Variants in ITPR3 observed in about 807,000 individuals in gnomAD.
The protein encoded by ITPR3 is inositol 1,4,5-trisphosphate receptor type 3.
ITPR3 carries 173 observed loss-of-function variants against 293.2 expected under a neutral mutation model. The observed-to-expected ratio is 0.59, with a 90% CI of 0.52 to 0.67. The LOEUF is 0.67. ITPR3 is among the 30% of genes least tolerant of loss of function. The pLI is 0.00. For missense variants in ITPR3, 2,796 were observed against 3,592.1 expected, an observed-to-expected ratio of 0.78 and a Z score of 5.66; for synonymous variants, 1,295 against 1,444.4, an observed-to-expected ratio of 0.90 and a Z score of 2.35.
intron 13 of ITPR3, 62 bp downstream of exon 13, chr6:33,665,275 T>G (rs1297868450): frequency 1.3e-6 from 2 of 1,567,620 alleles, no homozygotes; most frequent in Admixed American, 1.8e-5. Context: ...CTGCATTTCA[T>G]GAAGAAAGGA....
intron 57 of ITPR3, 37 bp from the exon 58 acceptor site, chr6:33,695,674 CG>C: frequency 6.3e-7 from 1 of 1,597,182 alleles, no homozygotes; most frequent in Non-Finnish European, 8.6e-7. Flanking sequence ...AGGTGCCAGG[CG>C]GCCTGACCAG....
Position 33,668,983 on chromosome 6 carries a change from C to T in ITPR3, c.2016C>T (p.Pro672=), listed in dbSNP as rs150364600. Reference sequence around the variant, plus strand: ...TGCTGGTGGTCTGCAGGCTTCGGCCCGTGAAGGAGATGGCCCAATCCCACG... The same window carrying T: ...TGCTGGTGGTCTGCAGGCTTCGGCCTGTGAAGGAGATGGCCCAATCCCACG... ...SDILIRTELR[P]VKEMAQSHEY... The change falls in exon 18 of 58, where the codon CCC becomes CCT. Residue 672 remains proline (P), a synonymous_variant. Coordinates refer to ENST00000605930, the MANE Select transcript of ITPR3 (RefSeq NM_002224.4). 33 of 1,613,468 alleles carry T rather than the reference C, an allele frequency of 2.0e-5. No homozygotes were observed. The highest frequency in any genetic ancestry group is 2.5e-5 in the Non-Finnish European group (30 of 1,179,952).
chr6:33,654,426 C>T lies in ITPR3; in HGVS notation c.161-1340C>T, dbSNP rs193212794. 5.9e-5 allele frequency among the ~76,000 whole-genome samples: 9 copies of T among 152,276 alleles called. No individual in the cohort carries two copies. The highest frequency in any genetic ancestry group is 2.0e-4 in the Admixed American group (3 of 15,302). Reference sequence around the variant, plus strand: ...TCTGCTTGTGGAATTGCCATTTTTCCCTTTTCTTTCTAGGAAGTTCTGTCT... The same window carrying T: ...TCTGCTTGTGGAATTGCCATTTTTCTCTTTTCTTTCTAGGAAGTTCTGTCT... On this transcript the variant is annotated intron_variant, in intron 2 of 57. Transcript: ENST00000605930. This position sits in a 1 kb window ranked among gnomAD's most constrained non-coding sequence, Gnocchi z 4.1.
chr6:33,689,900 G>A (rs752641628), intron 50 of ITPR3, 134 bp from the exon 51 acceptor site: 23 of 973,730 alleles, frequency 2.4e-5, no homozygotes, highest in African/African-American at 3.2e-5. Context: ...AGTCCCAGGC[G>A]CCTAGATGCG....
chr6:33,668,483 C>T (rs780219002), intron 16 of ITPR3, 32 bp from the exon 17 acceptor site: 8 of 1,613,692 alleles, frequency 5.0e-6, no homozygotes, highest in Non-Finnish European at 6.8e-6. Flanking sequence ...CCTCTGAGAC[C>T]CTCTTCCCAC....
intron 18 of ITPR3, among the ~76,000 whole-genome samples, chr6:33,669,606 AATC>A (rs1165315375): frequency 1.3e-5 from 2 of 152,162 alleles, no homozygotes; most frequent in Non-Finnish European, 2.9e-5. Context: ...CAAAAAAACA[AATC>A]ATCATCATAA....
At chr6:33,690,812 ACTGT>A (rs1269891506) in intron 51 of ITPR3, 101 bp from the exon 52 acceptor site, 69 of 1,061,276 alleles carry the variant, frequency 6.5e-5, no homozygotes, top group Non-Finnish European at 9.2e-5. Flanking sequence ...GCCTTGGGAA[ACTGT>A]CTGGAGCCCA....
intron 13 of ITPR3, 30 bp from the exon 14 acceptor site, chr6:33,665,805 C>T (rs1206621420): frequency 2.5e-6 from 4 of 1,611,066 alleles, no homozygotes; most frequent in Non-Finnish European, 2.5e-6. Context: ...GGGTATCTCA[C>T]ACTCGTCATC....
rs754160122 is a variant in ITPR3 at position 33,658,651 on chromosome 6, C to T, written c.370-19C>T. The stretch of plus-strand genomic sequence containing the variant: ...CTCCTGTGGCGCGGTGACCTTCCCG[C>T]ACCCCACCTGACCCCCAGCTCCTGC... On this transcript the variant is annotated intron_variant, in intron 4 of 57. Transcript: ENST00000605930. This position sits in a 1 kb window ranked among gnomAD's most constrained non-coding sequence, Gnocchi z 6.1. 6.2e-7 allele frequency: 1 copy of T among 1,613,032 alleles called. No individual in the cohort carries two copies. The highest frequency in any genetic ancestry group is 8.5e-7 in the Non-Finnish European group (1 of 1,179,238).
Position 33,693,462 on chromosome 6 carries a change from C to T in ITPR3, c.7625-83C>T, listed in dbSNP as rs768124481. ...CCCGAGAACAAATGCCTCCAACCCC[C>T]GGAAGCTGGGTCCCCTCCAGCAGGT... On this transcript the variant is annotated intron_variant, in intron 55 of 57. Coordinates refer to ENST00000605930, the MANE Select transcript of ITPR3 (RefSeq NM_002224.4). The T allele has an allele frequency of 3.6e-5, 54 of 1,492,200 alleles. No individual in the cohort carries two copies. In the Admixed American group the frequency reaches 3.8e-4, roughly 10 times the overall value. 92.4% of individuals were successfully genotyped at this position (1,492,200 alleles called of 1,614,324 possible). A position where few individuals can be genotyped will look rare whatever the true frequency, so the allele number is the denominator to read the frequency against.
Position 33,687,275 on chromosome 6 carries a change from C to G in ITPR3, c.6125C>G (p.Ser2042Trp), listed in dbSNP as rs768906879. ...CTGCAGGAGGAAGAGCGTGAGAACTCGGAGGTGAGCCCACGTGAAGTGGGC... is the reference window on the plus strand; with the variant it reads ...CTGCAGGAGGAAGAGCGTGAGAACTGGGAGGTGAGCCCACGTGAAGTGGGC... ...AYLQEEEREN[S>W]EVSPREVGHN... The change falls in exon 45 of 58, where the codon TCG becomes TGG. Residue 2042 changes from serine to tryptophan, a missense_variant. This residue lies in a region of ITPR3 where 704 missense variants were observed against 797.5 expected (regional missense o/e 0.88). Transcript: ENST00000605930. This position sits in a 1 kb window ranked among gnomAD's most constrained non-coding sequence, Gnocchi z 5.3. The G allele has an allele frequency of 1.9e-5, 31 of 1,613,348 alleles. No individual in the cohort carries two copies. The highest frequency in any genetic ancestry group is 2.5e-6 in the Non-Finnish European group (3 of 1,179,682).
At position 33,664,696 on chromosome 6, in the gene ITPR3, C is replaced by T. The variant is rs1276318155; in HGVS notation, c.1149-174C>T. ...GGGCGCAGGGCTAGCTCTGGCTGTT[C>T]TTATCTGGCTTCAGCCTCCTCATCT... On this transcript the variant is annotated intron_variant, in intron 11 of 57. Transcript: ENST00000605930. This position sits in a 1 kb window ranked among gnomAD's most constrained non-coding sequence, Gnocchi z 4.4. Among the ~76,000 whole-genome samples the T allele has an allele frequency of 3.3e-5, 5 of 152,166 alleles. No homozygotes were observed. The highest frequency in any genetic ancestry group is 4.4e-5 in the Non-Finnish European group (3 of 68,024).
Position 33,674,190 on chromosome 6 carries a change from C to T in ITPR3, c.3059-18C>T, listed in dbSNP as rs766662396. The T allele has an allele frequency of 1.1e-5, 17 of 1,613,912 alleles. No homozygotes were observed. Among genetic ancestry groups the T allele is most frequent in the Non-Finnish European group, 1.4e-5 (17 of 1,179,922 alleles). Reference sequence around the variant, plus strand: ...GGCTGGGCCTACAATCTGCTTCCATCTGCCCCTCTCCCCACAGCTGCCAAC... The same window carrying T: ...GGCTGGGCCTACAATCTGCTTCCATTTGCCCCTCTCCCCACAGCTGCCAAC... On this transcript the variant is annotated intron_variant, in intron 23 of 57. Transcript: ENST00000605930.
At chr6:33,661,650 C>T (rs1281320396) in intron 7 of ITPR3, among the ~76,000 whole-genome samples, 1 of 152,100 alleles carries the variant, frequency 6.6e-6, no homozygotes, top group African/African-American at 2.4e-5. Context: ...GAAGAGGCAA[C>T]TGAGGCTCAG....
rs1765167155 is a variant in ITPR3, at chr6:33,684,446, A to C, written c.5027A>C (p.Lys1676Thr). ...LRTLQQMLLK[K>T]TKYGDRGNQL... ...ACCCTGCAGCAGATGCTGCTCAAGA[A>C]GACCAAGTACGGGGACCGGGTGAGT... is the stretch of plus-strand genomic sequence containing the variant. The change falls in exon 37 of 58, where the codon AAG becomes ACG. Residue 1676 changes from lysine to threonine, a missense_variant. Around this residue, in one of 8 missense-constraint regions of ITPR3, gnomAD observed 704 missense variants for 797.5 expected, o/e 0.88. Transcript: ENST00000605930. This position sits in a 1 kb window ranked among gnomAD's most constrained non-coding sequence, Gnocchi z 4.2. 1 of 1,614,070 alleles carries C rather than the reference A, an allele frequency of 6.2e-7. No individual in the cohort carries two copies. Among genetic ancestry groups the C allele is most frequent in the African/African-American group, 1.3e-5 (1 of 75,020 alleles).
At chr6:33,659,284 C>A (rs916266866) in intron 6 of ITPR3, among the ~76,000 whole-genome samples, 165 bp downstream of exon 6, 1 of 152,202 alleles carries the variant, frequency 6.6e-6, no homozygotes, top group Non-Finnish European at 1.5e-5. Context: ...TGCCCTCATT[C>A]TCCACCCCAC....
At chr6:33,690,407 T>C (rs770252633) in intron 51 of ITPR3, among the ~76,000 whole-genome samples, 3 of 152,118 alleles carry the variant, frequency 2.0e-5, no homozygotes, top group Non-Finnish European at 4.4e-5. Flanking sequence ...ATCTGACCCC[T>C]TTCTCCTGTA....
In ITPR3 at chr6:33,672,820, GAA is replaced by G. The variant is rs2127287995; in HGVS notation, c.2928+593_2928+594del. Among the ~76,000 whole-genome samples, 1 of 152,260 alleles carries G rather than the reference GAA, an allele frequency of 6.6e-6. No homozygotes were observed. The highest frequency in any genetic ancestry group is 2.1e-4 in the South Asian group (1 of 4,822). On this transcript the variant is annotated intron_variant, in intron 22 of 57. Coordinates refer to ENST00000605930, the MANE Select transcript of ITPR3 (RefSeq NM_002224.4). The surrounding 1 kb of genome is among the most constrained non-coding windows in gnomAD (Gnocchi z 5.0). Reference sequence around the variant, plus strand: ...TTTTGAAGCAGAGCTAGAGATTTAAGAACCTATTTCTTGGCAAGGTGGATGCA... The same window carrying G: ...TTTTGAAGCAGAGCTAGAGATTTAAGCCTATTTCTTGGCAAGGTGGATGCA...
intron 56 of ITPR3, 37 bp from the exon 57 acceptor site, chr6:33,694,887 G>C: frequency 6.2e-7 from 1 of 1,613,702 alleles, no homozygotes; most frequent in East Asian, 2.2e-5. Context: ...TCTAGGCCGG[G>C]CCCACGCCTG....
Sources: gnomAD v4.1 joint callset for allele counts (sites outside exome capture counted in the v4.1 genomes callset) on GRCh38, gnomAD v4.1.1 for gene constraint, gnomAD v4.1.1 regional missense constraint, Gnocchi (gnomAD v3.1) non-coding constraint, MANE v1.5 for transcripts, NCBI Gene and HGNC (gene_info 2026-07-23, HGNC 2026-07-21) for gene names.